The following TEX12 variants were observed in gnomAD, a reference collection of about 807,000 sequenced individuals.
The protein encoded by TEX12 is testis-expressed protein 12.
Under a neutral mutation model 14.6 loss-of-function variants are expected in TEX12, and 7 were observed. That is an observed-to-expected ratio of 0.48 (90% CI 0.27 to 0.90). The LOEUF (loss-of-function observed/expected upper bound fraction) is 0.90, where lower values mean the gene tolerates loss of function less well. Ranked by LOEUF, TEX12 falls within the 40% of genes least tolerant of loss-of-function variation. The pLI is 0.12. For missense variants in TEX12, 121 were observed against 135.7 expected (o/e 0.89, Z 0.54); for synonymous variants, 57 against 49.1 (o/e 1.16, Z -0.67).
chr11:112,171,861 A>G lies in TEX12; in HGVS notation c.317A>G (p.Lys106Arg), dbSNP rs753920182. The G allele has an allele frequency of 6.3e-7, 1 of 1,598,324 alleles. No individual in the cohort carries two copies. The highest frequency in any genetic ancestry group is 1.8e-5 in the Admixed American group (1 of 56,946). ...ANAIENFLIQKREFLRQRFTV... is the reference protein window; with the variant it reads ...ANAIENFLIQRREFLRQRFTV... ...GCTATTGAAAACTTTCTAATACAAA[A>G]AAGAGAGTTCCTGCGACAGAGGTTT... The change falls in exon 5 of 5, where the codon AAA becomes AGA. Residue 106 changes from lysine to arginine, a missense_variant. Coordinates refer to ENST00000280358, the MANE Select transcript of TEX12 (RefSeq NM_031275.4).
intron 1 of TEX12, among the ~76,000 whole-genome samples, chr11:112,168,067 C>G (rs1359847182): frequency 6.6e-6 from 1 of 152,202 alleles, no homozygotes; most frequent in Non-Finnish European, 1.5e-5. Context: ...AAGGTACTGG[C>G]AGGAATGGAG....
At position 112,172,017 on chromosome 11, in the gene TEX12, A is replaced by AT; in HGVS notation, c.*102dup. On this transcript the variant is annotated 3_prime_UTR_variant, in exon 5 of 5. Coordinates refer to ENST00000280358, the MANE Select transcript of TEX12 (RefSeq NM_031275.4). ...GCTCTCGAGTTGTTAAAGAAAATGT[A>AT]TATCTCGAATAGAGAAGGGGAAACT... 1.1e-6 allele frequency: 1 copy of AT among 890,186 alleles called. No homozygotes were observed. Among genetic ancestry groups the AT allele is most frequent in the Non-Finnish European group, 1.6e-6 (1 of 644,082 alleles). 55.1% of individuals were successfully genotyped at this position (890,186 alleles called of 1,614,324 possible).
chr11:112,169,986 C>T (rs1204370638), intron 2 of TEX12, among the ~76,000 whole-genome samples: 1 of 152,092 alleles, frequency 6.6e-6, no homozygotes, highest in Non-Finnish European at 1.5e-5. Flanking sequence ...GCCTGGGCAA[C>T]ACTGCAATAC....
In TEX12 at chr11:112,171,939, A is replaced by G. The variant is rs774450875; in HGVS notation, c.*23A>G. On this transcript the variant is annotated 3_prime_UTR_variant, in exon 5 of 5. Coordinates refer to ENST00000280358, the MANE Select transcript of TEX12 (RefSeq NM_031275.4). ...TAAAATATATACTTGAAATAAGCTGAGAATTTAAACCTATTATTGTTATAA... is the reference window on the plus strand; with the variant it reads ...TAAAATATATACTTGAAATAAGCTGGGAATTTAAACCTATTATTGTTATAA... 1.4e-6 allele frequency: 2 copies of G among 1,423,680 alleles called. No individual in the cohort carries two copies. The highest frequency in any genetic ancestry group is 5.2e-5 in the Admixed American group (2 of 38,102). 88.2% of individuals were successfully genotyped at this position (1,423,680 alleles called of 1,614,324 possible).
At chr11:112,167,688 C>T (rs1866743418) in intron 1 of TEX12, among the ~76,000 whole-genome samples, 1 of 152,084 alleles carries the variant, frequency 6.6e-6, no homozygotes. Flanking sequence ...ACAGCCAGGT[C>T]ACTAAGCCTA....
chr11:112,169,442 GC>G, intron 2 of TEX12, 111 bp downstream of exon 2: 1 of 805,500 alleles, frequency 1.2e-6, no homozygotes, highest in Non-Finnish European at 2.1e-6. Context: ...GTATTCGTAT[GC>G]CCAGAGCTAG....
intron 2 of TEX12, 46 bp downstream of exon 2, chr11:112,169,377 A>G (rs778723280): frequency 1.4e-6 from 2 of 1,434,856 alleles, no homozygotes; most frequent in African/African-American, 2.8e-5. Flanking sequence ...TCTGTTTTAC[A>G]TACTACTCAA....
Position 112,172,077 on chromosome 11 carries a change from AT to A in TEX12, c.*163del. ...TCTAGGTTTAAAAAGGAACTTTTAA[AT>A]TCCTTAATGTTAATATTAATGTTCA... On this transcript the variant is annotated 3_prime_UTR_variant, in exon 5 of 5. Transcript: ENST00000280358. The A allele has an allele frequency of 2.3e-6, 1 of 437,766 alleles. No individual in the cohort carries two copies. The highest frequency in any genetic ancestry group is 3.9e-5 in the East Asian group (1 of 25,320). 27.1% of individuals were successfully genotyped at this position (437,766 alleles called of 1,614,324 possible). A position where few individuals can be genotyped will look rare whatever the true frequency, so the allele number is the denominator to read the frequency against.
In TEX12 at chr11:112,169,303, G is replaced by T. The variant is rs756068918; in HGVS notation, c.35G>T (p.Arg12Ile). 5.6e-6 allele frequency: 9 copies of T among 1,613,948 alleles called. No individual in the cohort carries two copies. The highest frequency in any genetic ancestry group is 7.6e-6 in the Non-Finnish European group (9 of 1,179,836). Reference sequence around the variant, plus strand: ...AATCACCTTGTAAAGCCTGATAATAGAAATTGCAAGAGGCCAAGAGAATTG... The same window carrying T: ...AATCACCTTGTAAAGCCTGATAATATAAATTGCAAGAGGCCAAGAGAATTG... ...MANHLVKPDN[R>I]NCKRPRELES... The change falls in exon 2 of 5, where the codon AGA becomes ATA. Residue 12 changes from arginine to isoleucine, a missense_variant. Arg to Ile is a moderately conservative substitution (Grantham distance 97). Transcript: ENST00000280358.
At chr11:112,170,253 C>A in intron 2 of TEX12, 166 bp from the exon 3 acceptor site, 1 of 499,462 alleles carries the variant, frequency 2.0e-6, no homozygotes, top group African/African-American at 2.0e-5. Context: ...TTTCTTGGGC[C>A]TGTAAATTTC....
chr11:112,168,481 T>G (rs1866752341), intron 1 of TEX12, among the ~76,000 whole-genome samples: 1 of 152,170 alleles, frequency 6.6e-6, no homozygotes, highest in African/African-American at 2.4e-5. Context: ...TTTTCTCACT[T>G]GTAAAAAATG....
chr11:112,170,157 G>C (rs1381300632), intron 2 of TEX12, among the ~76,000 whole-genome samples: 2 of 152,212 alleles, frequency 1.3e-5, no homozygotes, highest in African/African-American at 4.8e-5. Context: ...CTAGGTGACA[G>C]AGCGAGAACT....
Position 112,170,520 on chromosome 11 carries a change from A to G in TEX12, c.165A>G (p.Lys55=). 1 of 1,608,240 alleles carries G rather than the reference A, an allele frequency of 6.2e-7. No individual in the cohort carries two copies. Among genetic ancestry groups the G allele is most frequent in the Non-Finnish European group, 8.5e-7 (1 of 1,175,182 alleles). The change falls in exon 3 of 5, where the codon AAA becomes AAG. Residue 55 remains lysine, a synonymous_variant. Transcript: ENST00000280358. ...TTTATAAAGATGAAGCCTTGGAGAA[A>G]GATTTAAATGGTGATGTATAAAATG... ...GLFYKDEALE[K]DLNDVSKEIN...
chr11:112,169,279 A>G lies in TEX12; in HGVS notation c.11A>G (p.Asn4Ser). 1 of 1,613,942 alleles carries G rather than the reference A, an allele frequency of 6.2e-7. No individual in the cohort carries two copies. Among genetic ancestry groups the G allele is most frequent in the Non-Finnish European group, 8.5e-7 (1 of 1,179,818 alleles). The change falls in exon 2 of 5, where the codon AAT (asparagine) becomes AGT (serine). Residue 4 changes from asparagine (N) to serine (S), a missense_variant. Physicochemically the swap from Asn to Ser is conservative, Grantham distance 46. Transcript: ENST00000280358. ...TGGTGCCTTCGGAATATGATGGCAA[A>G]TCACCTTGTAAAGCCTGATAATAGA... MMANHLVKPDNRNC... is the reference protein window; with the variant it reads MMASHLVKPDNRNC...
intron 4 of TEX12, 104 bp downstream of exon 4, chr11:112,170,778 T>A: frequency 1.2e-6 from 1 of 862,100 alleles, no homozygotes; most frequent in Non-Finnish European, 1.8e-6. Context: ...CTCCAGTAAT[T>A]AAAACTTTGG....
intron 1 of TEX12, among the ~76,000 whole-genome samples, chr11:112,168,085 A>T (rs929010172): frequency 1.3e-5 from 2 of 152,244 alleles, no homozygotes; most frequent in Non-Finnish European, 1.5e-5. Context: ...GAGACGTACG[A>T]TACAGAATTT....
chr11:112,170,355 A>G, intron 2 of TEX12, 64 bp from the exon 3 acceptor site: 1 of 1,127,334 alleles, frequency 8.9e-7, no homozygotes, highest in Non-Finnish European at 1.3e-6. Flanking sequence ...TTCTTAATAA[A>G]CAAAATGTAT....
At position 112,170,328 on chromosome 11, in the gene TEX12, A is replaced by G. The variant is rs758519038; in HGVS notation, c.64-91A>G. Reference sequence around the variant, plus strand: ...CTAGCATGTTTGCCTTTTTCTGAAAAATGTTTTATTTGCTTTTTCTTAATA... The same window carrying G: ...CTAGCATGTTTGCCTTTTTCTGAAAGATGTTTTATTTGCTTTTTCTTAATA... On this transcript the variant is annotated intron_variant, in intron 2 of 4. Transcript: ENST00000280358. 5.5e-6 allele frequency: 5 copies of G among 902,362 alleles called. No homozygotes were observed. The East Asian group carries it at 1.3e-4, about 23-fold the overall frequency. The allele number at this position is 902,362 out of a possible 1,614,324, so 55.9% of individuals were successfully genotyped here. A position where few individuals can be genotyped will look rare whatever the true frequency, so the allele number is the denominator to read the frequency against.
chr11:112,171,633 A>G (rs1465989689), intron 4 of TEX12, 139 bp from the exon 5 acceptor site: 1 of 512,278 alleles, frequency 2.0e-6, no homozygotes, highest in Non-Finnish European at 3.1e-6. Flanking sequence ...TTTTCTGAAG[A>G]GTATTAGTAA....
Sources: allele counts gnomAD v4.1 joint callset (sites outside exome capture counted in the v4.1 genomes callset), GRCh38; gene constraint gnomAD v4.1.1; transcripts MANE v1.5; gene names NCBI Gene and HGNC (gene_info 2026-07-23, HGNC 2026-07-21).